Variants in PLPP1 observed in about 807,000 individuals in gnomAD.
The protein encoded by PLPP1 is phospholipid phosphatase 1.
Under a neutral mutation model 31.2 loss-of-function variants are expected in PLPP1, and 24 were observed. The ratio of observed to expected loss-of-function variants is 0.77; its 90% CI spans 0.56 to 1.08. PLPP1 has a LOEUF of 1.08. Among genes scored for constraint, PLPP1 ranks in the 50% least tolerant of loss-of-function variants. PLPP1 has a pLI of 0.00. For missense variants in PLPP1, 319 were observed against 342.7 expected, an observed-to-expected ratio of 0.93 and a Z score of 0.55; for synonymous variants, 146 against 126.3, an observed-to-expected ratio of 1.16 and a Z score of -1.05.
intron 1 of PLPP1, among the ~76,000 whole-genome samples, chr5:55,492,374 C>T (rs1256335227): frequency 6.6e-6 from 1 of 152,042 alleles, no homozygotes; most frequent in Non-Finnish European, 1.5e-5. Flanking sequence ...TTCCACAACT[C>T]TTTTATTGCA....
At chr5:55,461,759 T>C (rs1752171321) in intron 3 of PLPP1, among the ~76,000 whole-genome samples, 1 of 152,030 alleles carries the variant, frequency 6.6e-6, no homozygotes. Flanking sequence ...TAAGGCAATA[T>C]AAAAGAGAAA....
chr5:55,482,322 T>A (rs1752689229), intron 1 of PLPP1, among the ~76,000 whole-genome samples: 1 of 151,778 alleles, frequency 6.6e-6, no homozygotes, highest in Non-Finnish European at 1.5e-5. Flanking sequence ...AAGAGATGAC[T>A]TGGAAATATG....
At chr5:55,480,436 T>C (rs1752645816) in intron 1 of PLPP1, among the ~76,000 whole-genome samples, 1 of 152,002 alleles carries the variant, frequency 6.6e-6, no homozygotes, top group African/African-American at 2.4e-5. Context: ...CTTGAGCCCA[T>C]TTGCATTTAA....
At chr5:55,510,754 G>C (rs1235149895) in intron 1 of PLPP1, among the ~76,000 whole-genome samples, 1 of 152,126 alleles carries the variant, frequency 6.6e-6, no homozygotes, top group African/African-American at 2.4e-5. Context: ...AAGTATATCT[G>C]GCTGGGTTTA....
In PLPP1 at chr5:55,534,667, G is replaced by C. The variant is rs967232063; in HGVS notation, c.-38C>G. 6.6e-7 allele frequency: 1 copy of C among 1,520,114 alleles called. No individual in the cohort carries two copies. The highest frequency in any genetic ancestry group is 1.4e-5 in the African/African-American group (1 of 69,622). 94.2% of individuals were successfully genotyped at this position (1,520,114 alleles called of 1,614,324 possible). On this transcript the variant is annotated 5_prime_UTR_variant, in exon 1 of 6. Coordinates refer to ENST00000307259, the MANE Select transcript of PLPP1 (RefSeq NM_003711.4). Reference sequence around the variant, plus strand: ...GGCTGCCCGGCAAGGGCGATGGACTGAGCTGCGGGACGGCGGCCGAGGCCC... The same window carrying C: ...GGCTGCCCGGCAAGGGCGATGGACTCAGCTGCGGGACGGCGGCCGAGGCCC...
chr5:55,462,938 A>C (rs956728277), intron 3 of PLPP1, among the ~76,000 whole-genome samples: 16 of 151,832 alleles, frequency 1.1e-4, no homozygotes, highest in Non-Finnish European at 2.2e-4. Context: ...GTGCCACTGC[A>C]CTCCAGCCTG....
chr5:55,523,310 A>C (rs1579985337), intron 1 of PLPP1, among the ~76,000 whole-genome samples: 1 of 152,074 alleles, frequency 6.6e-6, no homozygotes, highest in African/African-American at 2.4e-5. Flanking sequence ...CTGTACTATC[A>C]AATACTAGAT....
chr5:55,474,558 G>A (rs544910788), intron 2 of PLPP1, among the ~76,000 whole-genome samples: 3 of 152,144 alleles, frequency 2.0e-5, no homozygotes, highest in Non-Finnish European at 2.9e-5. Context: ...CTTGCATTCA[G>A]TACCAGTAAA....
At chr5:55,433,084 AG>A (rs1751399324) in intron 4 of PLPP1, among the ~76,000 whole-genome samples, 1 of 150,940 alleles carries the variant, frequency 6.6e-6, no homozygotes, top group African/African-American at 2.4e-5. Context: ...CAAGGCGGGC[AG>A]ATCGCCTGAG....
At chr5:55,496,743 T>C (rs1477033690) in intron 1 of PLPP1, among the ~76,000 whole-genome samples, 1 of 152,234 alleles carries the variant, frequency 6.6e-6, no homozygotes, top group African/African-American at 2.4e-5. Context: ...ACTCCTATGA[T>C]ATGTTGAGGA....
intron 2 of PLPP1, among the ~76,000 whole-genome samples, chr5:55,470,020 T>C (rs1752384721): frequency 6.6e-6 from 1 of 152,192 alleles, no homozygotes; most frequent in East Asian, 1.9e-4. Context: ...GTTCTAATTA[T>C]AGTCCTTAAC....
At chr5:55,456,717 G>A (rs1752021862) in intron 3 of PLPP1, among the ~76,000 whole-genome samples, 3 of 152,174 alleles carry the variant, frequency 2.0e-5, no homozygotes. Flanking sequence ...ATACAGCTCT[G>A]AAATTGGCAA....
chr5:55,439,463 G>T (rs1751570928), intron 4 of PLPP1, among the ~76,000 whole-genome samples: 1 of 152,196 alleles, frequency 6.6e-6, no homozygotes, highest in South Asian at 2.1e-4. Flanking sequence ...AATCTGCAGT[G>T]ACTCTGAGGG....
chr5:55,443,198 T>TATATATATA (rs1262907133), intron 3 of PLPP1, among the ~76,000 whole-genome samples: 1 of 82,282 alleles, frequency 1.2e-5, no homozygotes, highest in Non-Finnish European at 2.4e-5. Context: ...AAAAAATATA[T>TATATATATA]ATATATATAT....
chr5:55,474,472 C>T (rs970593724), intron 2 of PLPP1, among the ~76,000 whole-genome samples: 1 of 152,090 alleles, frequency 6.6e-6, no homozygotes, highest in African/African-American at 2.4e-5. Context: ...ATAGTCTTAT[C>T]CCTAGACACA....
At chr5:55,523,054 A>G (rs1753706295) in intron 1 of PLPP1, among the ~76,000 whole-genome samples, 1 of 151,898 alleles carries the variant, frequency 6.6e-6, no homozygotes. Flanking sequence ...GAATTCCCAC[A>G]TTCTTGCCTT....
intron 4 of PLPP1, among the ~76,000 whole-genome samples, chr5:55,429,163 T>C (rs1751283507): frequency 6.6e-6 from 1 of 152,100 alleles, no homozygotes; most frequent in Admixed American, 6.6e-5. Context: ...GGGTACATAA[T>C]AGGTTATTTG....
intron 3 of PLPP1, among the ~76,000 whole-genome samples, chr5:55,443,872 G>T (rs112194701): frequency 2.6e-4 from 1 of 3,820 alleles, no homozygotes; most frequent in Non-Finnish European, 1.5e-3. Flanking sequence ...TTAACAAACA[G>T]ATCATAATAT....
At chr5:55,474,938 G>GTT (rs200044714) in intron 2 of PLPP1, among the ~76,000 whole-genome samples, 1 of 150,380 alleles carries the variant, frequency 6.6e-6, no homozygotes, top group Admixed American at 6.6e-5. Flanking sequence ...TTTTTTTTCT[G>GTT]TTTTTTTTTA....
Sources: gnomAD v4.1 joint callset for allele counts (sites outside exome capture counted in the v4.1 genomes callset) on GRCh38, gnomAD v4.1.1 for gene constraint, MANE v1.5 for transcripts, NCBI Gene and HGNC (gene_info 2026-07-23, HGNC 2026-07-21) for gene names.